DLGAP2: variants seen among roughly 807,000 people sequenced by gnomAD.
DLGAP2 encodes disks large-associated protein 2.
A neutral mutation model predicts 100.3 loss-of-function variants in DLGAP2; 26 were observed. That is an observed-to-expected ratio of 0.26 (90% CI 0.19 to 0.36). The LOEUF (loss-of-function observed/expected upper bound fraction) is 0.36. Among genes scored for constraint, DLGAP2 ranks in the 10% least tolerant of loss-of-function variants. DLGAP2 has a pLI of 1.00. For synonymous variants in DLGAP2, 886 were observed against 630.1 expected, an observed-to-expected ratio of 1.41 and a Z score of -6.08; for missense variants, 1,858 against 1,453.2, an observed-to-expected ratio of 1.28 and a Z score of -4.53.
intron 1 of DLGAP2, among the ~76,000 whole-genome samples, chr8:852,474 A>C (rs147694629): frequency 1.4e-3 from 211 of 152,354 alleles, no homozygotes; most frequent in African/African-American, 5.0e-3. Context: ...CATCAGCTGT[A>C]AATTGTAATG....
At chr8:1,048,284 A>G (rs1215483716) in intron 2 of DLGAP2, among the ~76,000 whole-genome samples, 12 of 152,098 alleles carry the variant, frequency 7.9e-5, no homozygotes, top group African/African-American at 2.9e-4. Context: ...CCATTTTACA[A>G]AGGACACCCC....
intron 6 of DLGAP2, among the ~76,000 whole-genome samples, chr8:1,602,532 G>A (rs1172873673): frequency 6.6e-6 from 1 of 152,208 alleles, no homozygotes; most frequent in Non-Finnish European, 1.5e-5. Flanking sequence ...GCCGGGCCAG[G>A]CCACCCCAGC....
intron 2 of DLGAP2, among the ~76,000 whole-genome samples, chr8:1,202,690 G>T (rs148461584): frequency 6.6e-6 from 1 of 152,254 alleles, no homozygotes; most frequent in Non-Finnish European, 1.5e-5. Flanking sequence ...CAGCAAGTGG[G>T]GCCCCAGGAT....
intron 3 of DLGAP2, among the ~76,000 whole-genome samples, chr8:1,421,984 A>T (rs937739413): frequency 2.0e-5 from 3 of 152,200 alleles, no homozygotes; most frequent in African/African-American, 7.2e-5. Context: ...GAAAAAAGAA[A>T]AAAGAGAAAA....
chr8:1,226,263 C>T (rs781487022), intron 2 of DLGAP2, among the ~76,000 whole-genome samples: 9 of 152,174 alleles, frequency 5.9e-5, no homozygotes, highest in African/African-American at 7.2e-5. Context: ...AAAAAAAATG[C>T]GGTGCACCAT....
chr8:1,227,185 A>G (rs1472180584), intron 2 of DLGAP2, among the ~76,000 whole-genome samples: 1 of 134,496 alleles, frequency 7.4e-6, no homozygotes, highest in African/African-American at 3.2e-5. Context: ...GTATAGATAT[A>G]TATTATCCAT....
intron 2 of DLGAP2, among the ~76,000 whole-genome samples, chr8:937,904 G>A (rs1217988934): frequency 6.6e-6 from 1 of 152,166 alleles, no homozygotes; most frequent in Non-Finnish European, 1.5e-5. Context: ...ACAGGTGCCT[G>A]GGGTAGGGGG....
At chr8:1,113,589 G>C (rs2129046259) in intron 2 of DLGAP2, among the ~76,000 whole-genome samples, 1 of 152,284 alleles carries the variant, frequency 6.6e-6, no homozygotes, top group East Asian at 1.9e-4. Context: ...TCAGCTGAGA[G>C]AGCTTTTGAG....
chr8:946,073 C>CCCCATTTG (rs370821809), intron 2 of DLGAP2, among the ~76,000 whole-genome samples: 2 of 151,864 alleles, frequency 1.3e-5, no homozygotes, highest in Non-Finnish European at 2.9e-5. Flanking sequence ...CTGCAGCCTC[C>CCCCATTTG]TGTGCTCAGC....
chr8:1,242,941 A>ATGGATGGACAGATAGACAGTGGATGGATT (rs1798830402), intron 2 of DLGAP2, among the ~76,000 whole-genome samples: 1 of 10,832 alleles, frequency 9.2e-5, no homozygotes, highest in African/African-American at 2.9e-4. Context: ...ATGGATTGAT[A>ATGGATGGACAGATAGACAGTGGATGGATT]GATGGATGGA....
intron 6 of DLGAP2, among the ~76,000 whole-genome samples, chr8:1,589,261 T>G (rs1721735664): frequency 6.6e-6 from 1 of 152,240 alleles, no homozygotes; most frequent in Non-Finnish European, 1.5e-5. Context: ...GTACAGTTTT[T>G]CCAATAGTAA....
chr8:1,555,860 G>A (rs543266211), intron 5 of DLGAP2, among the ~76,000 whole-genome samples: 15 of 152,366 alleles, frequency 9.8e-5, no homozygotes, highest in East Asian at 5.8e-4. Flanking sequence ...TTGTTGGCTA[G>A]CCTTGTGTCT....
intron 3 of DLGAP2, chr8:1,373,893 A>T (rs1182214167): frequency 6.6e-6 from 1 of 152,416 alleles, no homozygotes; most frequent in Non-Finnish European, 1.5e-5. Flanking sequence ...GAAGCGCGGT[A>T]CAAATGGAAT....
intron 8 of DLGAP2, among the ~76,000 whole-genome samples, chr8:1,662,335 TA>T (rs1798426902): frequency 6.6e-6 from 1 of 152,224 alleles, no homozygotes; most frequent in Non-Finnish European, 1.5e-5. Flanking sequence ...GTATAATCTT[TA>T]AAATATCTTC....
intron 3 of DLGAP2, among the ~76,000 whole-genome samples, chr8:1,378,544 A>G (rs1157097560): frequency 6.7e-6 from 1 of 149,384 alleles, no homozygotes; most frequent in Non-Finnish European, 1.5e-5. Context: ...TGACACACAC[A>G]GCTGACTTCG....
At chr8:1,240,621 C>G (rs1422465998) in intron 2 of DLGAP2, among the ~76,000 whole-genome samples, 9 of 142,252 alleles carry the variant, frequency 6.3e-5, no homozygotes, top group African/African-American at 2.4e-4. Flanking sequence ...TTCTCTCTCG[C>G]ACATAGCGTC....
chr8:1,691,647 C>A lies in DLGAP2; in HGVS notation c.2796+21C>A, dbSNP rs763528478. ...ATATGGTAAGTGAATCCTCAGTGAACCCCTGTTCCCTGTAACCAAGCTAAT... is the reference window on the plus strand; with the variant it reads ...ATATGGTAAGTGAATCCTCAGTGAAACCCTGTTCCCTGTAACCAAGCTAAT... On this transcript the variant is annotated intron_variant, in intron 13 of 14. Transcript: ENST00000637795. The A allele has an allele frequency of 5.7e-6, 9 of 1,591,558 alleles. No individual in the cohort carries two copies. In the East Asian group the frequency reaches 6.7e-5, roughly 12 times the overall value.
intron 1 of DLGAP2, among the ~76,000 whole-genome samples, chr8:796,808 A>G (rs1192936050): frequency 2.0e-5 from 3 of 152,136 alleles, no homozygotes; most frequent in African/African-American, 7.2e-5. Flanking sequence ...CACTGGCACC[A>G]TGACAGCCAG....
chr8:1,243,169 A>T (rs1435299451), intron 2 of DLGAP2, among the ~76,000 whole-genome samples: 1 of 152,128 alleles, frequency 6.6e-6, no homozygotes, highest in Non-Finnish European at 1.5e-5. Context: ...GTGCTCATGG[A>T]GCTCACATTA....
Sources: allele counts gnomAD v4.1 joint callset (sites outside exome capture counted in the v4.1 genomes callset), GRCh38; gene constraint gnomAD v4.1.1; transcripts MANE v1.5; gene names NCBI Gene and HGNC (gene_info 2026-07-23, HGNC 2026-07-21).